The following NF1 variants were observed in gnomAD, a reference collection of about 807,000 sequenced individuals.
NF1 encodes the protein neurofibromin 1, also known as neurofibromin.
NF1 carries 122 observed loss-of-function variants against 325.7 expected under a neutral mutation model. The ratio of observed to expected loss-of-function variants is 0.37; its 90% CI spans 0.32 to 0.44. The LOEUF is 0.44. Ranked by LOEUF, NF1 falls within the 20% of genes least tolerant of loss-of-function variation. The pLI is 1.00. For missense variants in NF1, 2,140 were observed against 3,415.4 expected (o/e 0.63, Z 9.31); for synonymous variants, 1,091 against 1,186.0 (o/e 0.92, Z 1.65).
Position 31,318,913 on chromosome 17 carries a change from C to T in NF1, c.4836-6907C>T, listed in dbSNP as rs532490487. 9.3e-6 allele frequency: 15 copies of T among 1,613,952 alleles called. No homozygotes were observed. Among genetic ancestry groups the T allele is most frequent in the Middle Eastern group, 1.6e-4 (1 of 6,062 alleles). On this transcript the variant is annotated intron_variant, in intron 36 of 57. Transcript: ENST00000358273. ...GGAAGAAGTACTGTTAGCCCACAGA[C>T]GGGTATAGTTTGCTTTTGTTCCAGG...
At chr17:31,182,861 A>G in intron 8 of NF1, 196 bp downstream of exon 8, 2 of 616,254 alleles carry the variant, frequency 3.2e-6, no homozygotes, top group East Asian at 2.7e-5. Context: ...AGGGAAAATA[A>G]TACCAGGCAA....
chr17:31,212,801 CT>C (rs200424313), intron 12 of NF1, among the ~76,000 whole-genome samples: 2,740 of 151,452 alleles, frequency 0.018, 83 homozygotes, highest in African/African-American at 0.063. Context: ...ATGTGCTATA[CT>C]TTTTTTTTAT....
At chr17:31,353,621 A>T (rs532065132) in intron 51 of NF1, among the ~76,000 whole-genome samples, 102 of 152,238 alleles carry the variant, frequency 6.7e-4, no homozygotes, top group African/African-American at 2.3e-3. Flanking sequence ...CCGACTCCAA[A>T]CAAACAAACA....
chr17:31,158,897 G>A (rs2065713853), intron 2 of NF1, 113 bp from the exon 3 acceptor site: 1 of 680,748 alleles, frequency 1.5e-6, no homozygotes, highest in East Asian at 2.8e-5. Context: ...TATAATCTGG[G>A]AGGTAAAATG....
At chr17:31,135,814 C>A (rs935242803) in intron 1 of NF1, among the ~76,000 whole-genome samples, 5 of 151,930 alleles carry the variant, frequency 3.3e-5, no homozygotes, top group Non-Finnish European at 7.4e-5. Context: ...TGAGCTCAAG[C>A]GATCCACCTG....
intron 1 of NF1, among the ~76,000 whole-genome samples, chr17:31,122,567 T>A (rs1478895542): frequency 1.3e-5 from 2 of 152,226 alleles, no homozygotes; most frequent in African/African-American, 4.8e-5. Flanking sequence ...TTTGCTTGAA[T>A]GGGTGCTGTT....
chr17:31,178,151 C>G (rs1567824397), intron 5 of NF1, among the ~76,000 whole-genome samples: 1 of 152,210 alleles, frequency 6.6e-6, no homozygotes. Flanking sequence ...GGAAGCCCAT[C>G]AGACTGACAG....
intron 8 of NF1, among the ~76,000 whole-genome samples, chr17:31,183,843 C>A (rs1454555204): frequency 8.5e-5 from 13 of 152,192 alleles, no homozygotes; most frequent in Admixed American, 8.5e-4. Flanking sequence ...TTGGATGCTT[C>A]CTGCCCTCGA....
chr17:31,178,184 A>G (rs1311587344), intron 5 of NF1, among the ~76,000 whole-genome samples: 1 of 152,228 alleles, frequency 6.6e-6, no homozygotes, highest in African/African-American at 2.4e-5. Context: ...CAGAAACCCT[A>G]CAAGCCAGAA....
chr17:31,358,671 C>A (rs114915525), intron 55 of NF1, 49 bp downstream of exon 55: 8 of 1,600,658 alleles, frequency 5.0e-6, no homozygotes, highest in Admixed American at 1.7e-5. Flanking sequence ...TGCTAACATG[C>A]GCGCTGTTGT....
At chr17:31,267,056 C>T (rs1303453802) in intron 36 of NF1, among the ~76,000 whole-genome samples, 3 of 151,992 alleles carry the variant, frequency 2.0e-5, no homozygotes, top group African/African-American at 7.3e-5. Context: ...CTTAGCCTCC[C>T]GAGTAGCTGG....
chr17:31,237,181 C>A (rs1408158599), intron 29 of NF1, among the ~76,000 whole-genome samples: 4 of 152,174 alleles, frequency 2.6e-5, no homozygotes, highest in Non-Finnish European at 2.9e-5. Flanking sequence ...TCTGCATTTG[C>A]TGAAGTATCA....
At chr17:31,270,256 C>G (rs1014341909) in intron 36 of NF1, among the ~76,000 whole-genome samples, 1 of 152,184 alleles carries the variant, frequency 6.6e-6, no homozygotes. Flanking sequence ...TTATCTATCT[C>G]TATGTTGTTT....
intron 1 of NF1, among the ~76,000 whole-genome samples, chr17:31,096,400 CTT>C (rs1485859079): frequency 6.6e-6 from 1 of 152,072 alleles, no homozygotes; most frequent in Non-Finnish European, 1.5e-5. Flanking sequence ...GAGGAGGTGA[CTT>C]TTTATCGCCT....
chr17:31,095,041 G>A lies in NF1; in HGVS notation c.-269G>A, dbSNP rs1014392874. ...TGGCTGTGGGGAGACGGCGCTAGTG[G>A]GGAGAGCGACCAAGAGGCCCCCTCC... On this transcript the variant is annotated 5_prime_UTR_variant, in exon 1 of 58. Coordinates refer to ENST00000358273, the MANE Select transcript of NF1 (RefSeq NM_001042492.3). 4 of 586,034 alleles carry A rather than the reference G, an allele frequency of 6.8e-6. No individual in the cohort carries two copies. In the African/African-American group the frequency reaches 7.7e-5, roughly 11 times the overall value. The allele number at this position is 586,034 out of a possible 1,614,324, so 36.3% of individuals were successfully genotyped here.
intron 31 of NF1, among the ~76,000 whole-genome samples, chr17:31,254,980 TC>T (rs2151458446): frequency 6.6e-6 from 1 of 152,338 alleles, no homozygotes; most frequent in East Asian, 1.9e-4. Flanking sequence ...AAGCTGACTT[TC>T]TTTTTGGGTG....
At position 31,159,046 on chromosome 17, in the gene NF1, C is replaced by T. The variant is rs587782772; in HGVS notation, c.241C>T (p.Leu81Phe). 1 of 1,608,056 alleles carries T rather than the reference C, an allele frequency of 6.2e-7. No homozygotes were observed. Among genetic ancestry groups the T allele is most frequent in the Non-Finnish European group, 8.5e-7 (1 of 1,174,876 alleles). ...FGEAAEKNLY[L>F]SQLIILDTLE... The stretch of plus-strand genomic sequence containing the variant: ...AGAAGCTGCTGAAAAAAATTTATAT[C>T]TCTCTCAGTTGATTATATTGGATAC... The change falls in exon 3 of 58, where the codon CTC becomes TTC. Residue 81 changes from leucine to phenylalanine, a missense_variant. Physicochemically the swap from Leu to Phe is conservative, Grantham distance 22 (BLOSUM62 0). Around this residue, in one of 10 missense-constraint regions of NF1, gnomAD observed 246 missense variants for 347.8 expected, o/e 0.71. Transcript: ENST00000358273.
At chr17:31,337,623 T>C (rs1252926516) in intron 43 of NF1, 41 bp downstream of exon 43, 3 of 1,573,266 alleles carry the variant, frequency 1.9e-6, no homozygotes, top group Admixed American at 1.7e-5. Context: ...TTAAAATCTT[T>C]TTTTAAAAAT....
intron 3 of NF1, among the ~76,000 whole-genome samples, chr17:31,161,549 G>A (rs960846801): frequency 6.6e-6 from 1 of 152,208 alleles, no homozygotes; most frequent in Admixed American, 6.5e-5. Context: ...TCCATTGATT[G>A]TGTGTTAATT....
Sources: allele counts gnomAD v4.1 joint callset (sites outside exome capture counted in the v4.1 genomes callset), GRCh38; gene constraint gnomAD v4.1.1; regional missense constraint gnomAD v4.1.1; transcripts MANE v1.5; gene names NCBI Gene and HGNC (gene_info 2026-07-23, HGNC 2026-07-21).